DCC: variants seen among roughly 807,000 people sequenced by gnomAD.
DCC encodes the protein netrin receptor DCC.
DCC carries 58 observed loss-of-function variants against 172.5 expected under a neutral mutation model. The ratio of observed to expected loss-of-function variants is 0.34; its 90% CI spans 0.27 to 0.42. The LOEUF (loss-of-function observed/expected upper bound fraction) is 0.42, where lower values mean the gene tolerates loss of function less well. Among genes scored for constraint, DCC ranks in the 10% least tolerant of loss-of-function variants. The probability of loss-of-function intolerance (pLI) is 1.00; values close to 1 mark genes in which losing one functional copy is unlikely to be tolerated. For synonymous variants in DCC, 709 were observed against 644.5 expected (o/e 1.10, Z -1.52); for missense variants, 1,740 against 1,791.0 (o/e 0.97, Z 0.51).
intron 12 of DCC, among the ~76,000 whole-genome samples, chr18:53,248,625 C>A (rs2056393577): frequency 2.0e-5 from 3 of 152,036 alleles, no homozygotes; most frequent in Non-Finnish European, 4.4e-5. Flanking sequence ...TGACATTCCC[C>A]TGCCACACCT....
intron 12 of DCC, among the ~76,000 whole-genome samples, chr18:53,279,228 C>T (rs1437200988): frequency 6.6e-6 from 1 of 151,898 alleles, no homozygotes; most frequent in African/African-American, 2.4e-5. Context: ...TTCACAATAG[C>T]AAAGACTTGG....
chr18:52,955,034 C>T (rs2145556444), intron 5 of DCC, among the ~76,000 whole-genome samples: 1 of 152,230 alleles, frequency 6.6e-6, no homozygotes, highest in African/African-American at 2.4e-5. Context: ...TCGTGATAAT[C>T]AATAAACCTA....
intron 15 of DCC, among the ~76,000 whole-genome samples, chr18:53,367,815 G>T (rs918313949): frequency 2.6e-5 from 4 of 151,980 alleles, no homozygotes; most frequent in African/African-American, 7.3e-5. Context: ...TAGCATAAGG[G>T]CCTGAAGATT....
intron 12 of DCC, among the ~76,000 whole-genome samples, chr18:53,271,544 C>G (rs995561897): frequency 6.6e-6 from 1 of 152,108 alleles, no homozygotes; most frequent in Non-Finnish European, 1.5e-5. Context: ...TTGGCAGGCC[C>G]CAGGTACTCT....
intron 2 of DCC, among the ~76,000 whole-genome samples, chr18:52,886,498 A>G (rs1363310838): frequency 6.6e-6 from 1 of 152,184 alleles, no homozygotes; most frequent in Non-Finnish European, 1.5e-5. Flanking sequence ...CCACAATTGC[A>G]CAGACTCTCT....
chr18:52,511,280 C>CA (rs5824941), intron 1 of DCC, among the ~76,000 whole-genome samples: 30,375 of 109,930 alleles, frequency 0.28, 4,233 homozygotes, highest in East Asian at 0.39. Flanking sequence ...GACTCTGTCT[C>CA]AAAAAAAAAA....
At chr18:52,889,610 C>G (rs16955790) in intron 2 of DCC, among the ~76,000 whole-genome samples, 2 of 152,044 alleles carry the variant, frequency 1.3e-5, no homozygotes, top group African/African-American at 4.8e-5. Flanking sequence ...ACAGAAGTCA[C>G]TTTACAAAAT....
intron 1 of DCC, among the ~76,000 whole-genome samples, chr18:52,606,171 T>C (rs767907880): frequency 3.9e-5 from 6 of 152,072 alleles, no homozygotes; most frequent in Non-Finnish European, 7.4e-5. Flanking sequence ...CTGGAAAATA[T>C]AGTTAGCTCT....
Position 52,411,417 on chromosome 18 carries a change from G to A in DCC, c.91+70539G>A, listed in dbSNP as rs567321971. Among the ~76,000 whole-genome samples the A allele has an allele frequency of 5.3e-5, 8 of 152,242 alleles. No homozygotes were observed. The South Asian group carries it at 1.0e-3, about 20-fold the overall frequency. ...ATGGAAAACTAAAGCAAGCTATGCC[G>A]AAACTGTCATTATCTGAGGCAACCA... On this transcript the variant is annotated intron_variant, in intron 1 of 28. Transcript: ENST00000442544.
intron 25 of DCC, 140 bp downstream of exon 25, chr18:53,468,150 G>T: frequency 1.5e-6 from 1 of 668,354 alleles, no homozygotes. Context: ...GACTAAAACC[G>T]TATCATTAAT....
intron 15 of DCC, among the ~76,000 whole-genome samples, chr18:53,370,763 T>G (rs2058053013): frequency 6.6e-6 from 1 of 151,904 alleles, no homozygotes; most frequent in African/African-American, 2.4e-5. Context: ...GCATTGAAAC[T>G]TACTTAATAG....
At chr18:52,555,885 A>G (rs372618836) in intron 1 of DCC, among the ~76,000 whole-genome samples, 11 of 152,106 alleles carry the variant, frequency 7.2e-5, no homozygotes, top group African/African-American at 2.4e-4. Flanking sequence ...ATGTAATATA[A>G]TTATTCATTA....
intron 2 of DCC, among the ~76,000 whole-genome samples, chr18:52,815,992 T>A (rs2038290219): frequency 6.6e-6 from 1 of 152,164 alleles, no homozygotes; most frequent in Non-Finnish European, 1.5e-5. Flanking sequence ...ACCAACCAAT[T>A]AGTGAATAAT....
chr18:52,864,425 A>G (rs1227543817), intron 2 of DCC, among the ~76,000 whole-genome samples: 1 of 152,232 alleles, frequency 6.6e-6, no homozygotes, highest in East Asian at 1.9e-4. Flanking sequence ...AACCTTCACA[A>G]AATAATGAGC....
intron 5 of DCC, among the ~76,000 whole-genome samples, chr18:53,055,595 G>T (rs1162628087): frequency 6.6e-6 from 1 of 152,082 alleles, no homozygotes; most frequent in Non-Finnish European, 1.5e-5. Flanking sequence ...CTCTCTTAAG[G>T]CTAGAAACCA....
chr18:53,517,246 A>G (rs2046345135), intron 27 of DCC, among the ~76,000 whole-genome samples: 1 of 151,000 alleles, frequency 6.6e-6, no homozygotes, highest in Non-Finnish European at 1.5e-5. Flanking sequence ...GGAATTGAAC[A>G]ATGAGAACCC....
At chr18:52,448,560 A>G (rs570045450) in intron 1 of DCC, among the ~76,000 whole-genome samples, 2 of 152,270 alleles carry the variant, frequency 1.3e-5, no homozygotes, top group African/African-American at 4.8e-5. Flanking sequence ...AAGTTTTCTA[A>G]GATTTATCTG....
At chr18:52,726,205 C>T (rs1017183448) in intron 1 of DCC, among the ~76,000 whole-genome samples, 1 of 152,170 alleles carries the variant, frequency 6.6e-6, no homozygotes, top group Non-Finnish European at 1.5e-5. Flanking sequence ...GTATACGTGG[C>T]TTGCTAATGT....
intron 12 of DCC, among the ~76,000 whole-genome samples, chr18:53,287,984 A>G (rs2056956035): frequency 6.6e-6 from 1 of 152,122 alleles, no homozygotes; most frequent in South Asian, 2.1e-4. Context: ...TTGAGCATGT[A>G]CGCAATCCTA....
Sources: allele counts gnomAD v4.1 joint callset (sites outside exome capture counted in the v4.1 genomes callset), GRCh38; gene constraint gnomAD v4.1.1; transcripts MANE v1.5; gene names NCBI Gene and HGNC (gene_info 2026-07-23, HGNC 2026-07-21).